Variants in FAT3 observed in about 807,000 individuals in gnomAD.
FAT3 encodes the protein FAT atypical cadherin 3.
In FAT3, 95 loss-of-function variants were observed where a neutral mutation model predicts 310.2. The observed-to-expected ratio is 0.31, with a 90% CI of 0.26 to 0.36. The LOEUF is 0.36. Ranked by LOEUF, FAT3 falls within the 10% of genes least tolerant of loss-of-function variation. The probability of loss-of-function intolerance (pLI) is 1.00; values close to 1 mark genes in which losing one functional copy is unlikely to be tolerated. For synonymous variants in FAT3, 2,314 were observed against 2,192.9 expected, an observed-to-expected ratio of 1.06 and a Z score of -1.54; for missense variants, 5,408 against 5,715.6, an observed-to-expected ratio of 0.95 and a Z score of 1.74.
chr11:92,884,249 G>A (rs1949747762), intron 24 of FAT3, among the ~76,000 whole-genome samples: 1 of 152,190 alleles, frequency 6.6e-6, no homozygotes, highest in African/African-American at 2.4e-5. Context: ...CACTATTGCA[G>A]GTTTTTAAGT....
chr11:92,828,370 T>C (rs1417845875), intron 13 of FAT3, among the ~76,000 whole-genome samples: 1 of 152,096 alleles, frequency 6.6e-6, no homozygotes, highest in African/African-American at 2.4e-5. Flanking sequence ...GTGTCTAAAT[T>C]GGAGGTTTAA....
intron 4 of FAT3, among the ~76,000 whole-genome samples, chr11:92,757,385 C>T (rs576634704): frequency 7.2e-5 from 11 of 152,230 alleles, no homozygotes; most frequent in Admixed American, 3.3e-4. Flanking sequence ...TGTAGCAGAG[C>T]GAGAGTACAC....
At chr11:92,368,089 TA>T (rs1949075133) in intron 2 of FAT3, among the ~76,000 whole-genome samples, 1 of 152,346 alleles carries the variant, frequency 6.6e-6, no homozygotes, top group African/African-American at 2.4e-5. Flanking sequence ...AGTATTTTTT[TA>T]AATGTCTGAC....
At chr11:92,648,648 C>G (rs1942253415) in intron 3 of FAT3, among the ~76,000 whole-genome samples, 1 of 152,158 alleles carries the variant, frequency 6.6e-6, no homozygotes, top group Non-Finnish European at 1.5e-5. Flanking sequence ...CTTTACAGCC[C>G]CACAGCTGTT....
intron 4 of FAT3, among the ~76,000 whole-genome samples, chr11:92,712,472 C>A (rs1306856406): frequency 6.6e-6 from 1 of 152,214 alleles, no homozygotes; most frequent in East Asian, 1.9e-4. Context: ...ATATATAATT[C>A]ATGAATATGA....
At chr11:92,393,588 C>T (rs150770675) in intron 2 of FAT3, among the ~76,000 whole-genome samples, 8 of 151,974 alleles carry the variant, frequency 5.3e-5, no homozygotes, top group African/African-American at 1.4e-4. Context: ...GCTTAGATAG[C>T]GGAGGGGAGG....
chr11:92,818,085 GC>G (rs1184323466), intron 13 of FAT3, among the ~76,000 whole-genome samples: 4 of 152,184 alleles, frequency 2.6e-5, no homozygotes, highest in Non-Finnish European at 5.9e-5. Context: ...TATACCTGCA[GC>G]CCTAGACACT....
At chr11:92,664,010 C>T (rs544976926) in intron 3 of FAT3, among the ~76,000 whole-genome samples, 2 of 152,258 alleles carry the variant, frequency 1.3e-5, no homozygotes, top group South Asian at 2.1e-4. Context: ...AATCTTGACA[C>T]GACCCACCCT....
intron 19 of FAT3, among the ~76,000 whole-genome samples, chr11:92,856,882 G>A (rs1413551299): frequency 1.3e-5 from 2 of 152,144 alleles, no homozygotes; most frequent in Admixed American, 6.5e-5. Flanking sequence ...ACAAGCCCTT[G>A]CATTGTGATC....
At chr11:92,796,782 A>T (rs188492328) in intron 9 of FAT3, among the ~76,000 whole-genome samples, 1 of 152,326 alleles carries the variant, frequency 6.6e-6, no homozygotes, top group Non-Finnish European at 1.5e-5. Flanking sequence ...CCTTCTTTAC[A>T]TACTCCACAT....
intron 1 of FAT3, among the ~76,000 whole-genome samples, chr11:92,225,412 C>T (rs1409211730): frequency 1.3e-5 from 2 of 152,094 alleles, no homozygotes; most frequent in Non-Finnish European, 2.9e-5. Context: ...GGCCCCGCGG[C>T]GGGAGCCGGG....
intron 1 of FAT3, among the ~76,000 whole-genome samples, chr11:92,236,156 C>T (rs1864410560): frequency 6.6e-6 from 1 of 152,164 alleles, no homozygotes; most frequent in Admixed American, 6.5e-5. Context: ...AGTCAACACA[C>T]CTCATAAGGG....
intron 2 of FAT3, among the ~76,000 whole-genome samples, chr11:92,445,267 G>C (rs1478867127): frequency 1.3e-5 from 2 of 152,144 alleles, no homozygotes; most frequent in Admixed American, 1.3e-4. Context: ...CTGTGTTTTA[G>C]AATCACTTTA....
chr11:92,806,121 A>G (rs900546004), intron 11 of FAT3, among the ~76,000 whole-genome samples: 4 of 152,356 alleles, frequency 2.6e-5, no homozygotes, highest in African/African-American at 9.6e-5. Context: ...CTTAGTGCTT[A>G]GAATGGTACA....
chr11:92,677,289 A>G (rs1943317334), intron 3 of FAT3, among the ~76,000 whole-genome samples: 2 of 152,254 alleles, frequency 1.3e-5, no homozygotes, highest in East Asian at 3.8e-4. Flanking sequence ...CCCCATTTAT[A>G]CAGGAAGAAT....
chr11:92,317,211 T>G (rs1165316209), intron 1 of FAT3, among the ~76,000 whole-genome samples: 1 of 152,224 alleles, frequency 6.6e-6, no homozygotes, highest in Non-Finnish European at 1.5e-5. Flanking sequence ...CCTGCAAACA[T>G]GTGGACAGGG....
chr11:92,627,649 G>A (rs919292557), intron 3 of FAT3, among the ~76,000 whole-genome samples: 1 of 152,146 alleles, frequency 6.6e-6, no homozygotes, highest in Non-Finnish European at 1.5e-5. Flanking sequence ...GCCAGGGAAA[G>A]ACAGTGATTC....
intron 21 of FAT3, among the ~76,000 whole-genome samples, chr11:92,862,810 C>T (rs1326591430): frequency 6.6e-6 from 1 of 152,206 alleles, no homozygotes; most frequent in Non-Finnish European, 1.5e-5. Flanking sequence ...AATTTCGACT[C>T]TCATTCCCCT....
chr11:92,263,528 G>A (rs1865643099), intron 1 of FAT3, among the ~76,000 whole-genome samples: 1 of 151,930 alleles, frequency 6.6e-6, no homozygotes, highest in Admixed American at 6.6e-5. Context: ...TTTCTGATGT[G>A]AAGATTACAG....
Sources: allele counts gnomAD v4.1 joint callset (sites outside exome capture counted in the v4.1 genomes callset), GRCh38; gene constraint gnomAD v4.1.1; transcripts MANE v1.5; gene names NCBI Gene and HGNC (gene_info 2026-07-23, HGNC 2026-07-21).